Variants in MYOM1 observed in about 807,000 individuals in gnomAD.
MYOM1 encodes the protein myomesin 1, also known as myomesin-1.
MYOM1 carries 164 observed loss-of-function variants against 205.3 expected under a neutral mutation model. The ratio of observed to expected loss-of-function variants is 0.80; its 90% CI spans 0.70 to 0.91. The LOEUF (loss-of-function observed/expected upper bound fraction) is 0.91, where lower values mean the gene tolerates loss of function less well. Ranked by LOEUF, MYOM1 falls within the 40% of genes least tolerant of loss-of-function variation. The probability of loss-of-function intolerance (pLI) is 0.00; values close to 1 mark genes in which losing one functional copy is unlikely to be tolerated. For missense variants in MYOM1, 2,011 were observed against 2,127.3 expected (o/e 0.95, Z 1.08); for synonymous variants, 772 against 789.4 (o/e 0.98, Z 0.37).
chr18:3,100,449 T>C, intron 23 of MYOM1, 23 bp from the exon 24 acceptor site: 2 of 1,568,286 alleles, frequency 1.3e-6, no homozygotes, highest in Non-Finnish European at 1.8e-6. Context: ...ATATTTTTCT[T>C]AGAAATGAGG....
upstream of MYOM1, among the ~76,000 whole-genome samples, chr18:3,221,375 T>C (rs2144282800): frequency 6.6e-6 from 1 of 152,316 alleles, no homozygotes; most frequent in Middle Eastern, 3.4e-3. Flanking sequence ...ATGACTTTCT[T>C]GATGATAACT....
intron 12 of MYOM1, among the ~76,000 whole-genome samples, chr18:3,149,821 T>C (rs893894976): frequency 4.6e-5 from 7 of 152,198 alleles, no homozygotes; most frequent in Non-Finnish European, 7.3e-5. Flanking sequence ...ACTCTTGCAT[T>C]AACCAGGGGA....
chr18:3,126,231 T>C (rs974662625), intron 19 of MYOM1, among the ~76,000 whole-genome samples: 10 of 148,334 alleles, frequency 6.7e-5, no homozygotes, highest in Non-Finnish European at 1.5e-4. Flanking sequence ...CACTCCTGCA[T>C]TCCAGCCTGG....
intron 19 of MYOM1, among the ~76,000 whole-genome samples, chr18:3,126,055 G>A (rs1273970725): frequency 6.6e-6 from 1 of 152,052 alleles, no homozygotes; most frequent in Non-Finnish European, 1.5e-5. Context: ...GATCACTTGA[G>A]GCCAGGAGTT....
intron 37 of MYOM1, among the ~76,000 whole-genome samples, chr18:3,067,905 G>C (rs1252751555): frequency 6.6e-6 from 1 of 151,994 alleles, no homozygotes; most frequent in East Asian, 1.9e-4. Flanking sequence ...GGCATTTTGG[G>C]TTCTGTCTCG....
At chr18:3,182,835 C>A (rs374382160) in intron 5 of MYOM1, among the ~76,000 whole-genome samples, 1 of 151,244 alleles carries the variant, frequency 6.6e-6, no homozygotes, top group Admixed American at 6.6e-5. Flanking sequence ...CCTTCTATGT[C>A]GACAGAGTCC....
At chr18:3,081,473 G>A (rs1395280378) in intron 33 of MYOM1, among the ~76,000 whole-genome samples, 3 of 152,170 alleles carry the variant, frequency 2.0e-5, no homozygotes, top group Non-Finnish European at 4.4e-5. Context: ...AGACATAATT[G>A]ATTGACTAGA....
intron 5 of MYOM1, among the ~76,000 whole-genome samples, chr18:3,186,416 A>G (rs143104505): frequency 4.5e-4 from 68 of 152,290 alleles, no homozygotes; most frequent in African/African-American, 1.3e-3. Flanking sequence ...AAAGCATGCA[A>G]ATACCTGCAC....
the MYOM1 span, among the ~76,000 whole-genome samples, chr18:3,239,775 A>G: frequency 1.3e-5 from 2 of 150,376 alleles, no homozygotes; most frequent in Non-Finnish European, 2.9e-5. Flanking sequence ...AAAAAAAAAA[A>G]AAAAAAAAGA....
intron 9 of MYOM1, 117 bp downstream of exon 9, chr18:3,168,700 C>A: frequency 1.0e-6 from 1 of 960,110 alleles, no homozygotes; most frequent in African/African-American, 1.7e-5. Context: ...ACCTTTTAAT[C>A]GTGTAAAGGT....
rs79371559 is a variant in MYOM1, at chr18:3,179,458, A to G, written c.930-3324T>C. On this transcript the variant is annotated intron_variant, in intron 5 of 37. Coordinates refer to ENST00000356443, the MANE Select transcript of MYOM1 (RefSeq NM_003803.4). This position sits in a 1 kb window ranked among gnomAD's most constrained non-coding sequence, Gnocchi z 4.4. ...CCCTGCCTCAGCCTCCCAAAGTTGG[A>G]TGATTTTAAATAAATGCACACGAAG... Among the ~76,000 whole-genome samples the G allele has an allele frequency of 6.6e-6, 1 of 152,160 alleles. No homozygotes were observed. The highest frequency in any genetic ancestry group is 2.4e-5 in the African/African-American group (1 of 41,430).
rs973770373 is a variant in MYOM1 at position 3,219,871 on chromosome 18, G to A, written c.-97C>T. 7 of 152,312 alleles carry A rather than the reference G, an allele frequency of 4.6e-5. No homozygotes were observed. Among genetic ancestry groups the A allele is most frequent in the Non-Finnish European group, 1.0e-4 (7 of 68,104 alleles). The allele number at this position is 152,312 out of a possible 1,614,324, so 9.4% of individuals were successfully genotyped here. On this transcript the variant is annotated 5_prime_UTR_variant, in exon 1 of 38. Coordinates refer to ENST00000356443, the MANE Select transcript of MYOM1 (RefSeq NM_003803.4). The surrounding 1 kb of genome is among the most constrained non-coding windows in gnomAD (Gnocchi z 4.4). ...CCGAGGAGCTGGATGAGAGAATGAAGACTCCACCTAGGTTGAATCCAAGAC... is the reference window on the plus strand; with the variant it reads ...CCGAGGAGCTGGATGAGAGAATGAAAACTCCACCTAGGTTGAATCCAAGAC...
At chr18:3,197,229 C>T (rs775124731) in intron 2 of MYOM1, among the ~76,000 whole-genome samples, 11 of 151,764 alleles carry the variant, frequency 7.2e-5, no homozygotes, top group Non-Finnish European at 1.0e-4. Flanking sequence ...CTCTGCCTCC[C>T]GAGTTCAAAC....
chr18:3,098,638 G>T (rs1394641984), intron 25 of MYOM1, among the ~76,000 whole-genome samples: 1 of 152,164 alleles, frequency 6.6e-6, no homozygotes, highest in African/African-American at 2.4e-5. Flanking sequence ...TCCTGGAAAA[G>T]AAACCAAGGC....
intron 32 of MYOM1, 35 bp from the exon 33 acceptor site, chr18:3,083,929 C>T (rs1374777601): frequency 1.3e-6 from 2 of 1,575,878 alleles, no homozygotes; most frequent in Admixed American, 1.9e-5. Context: ...CATACATCTG[C>T]ATGCCCCTCC....
At chr18:3,082,560 G>A (rs1189241607) in intron 33 of MYOM1, among the ~76,000 whole-genome samples, 2 of 152,194 alleles carry the variant, frequency 1.3e-5, no homozygotes, top group African/African-American at 4.8e-5. Flanking sequence ...GGGATGCCAT[G>A]TGACCTTCTT....
Position 3,071,829 on chromosome 18 carries a change from C to A in MYOM1, c.4764+5G>T. ...GGAGCAGGCACAGGCAGGCTTCATG[C>A]TTACCTTCCCCTCCTGGATGGTGAC... On this transcript the variant is annotated splice_donor_5th_base_variant and intron_variant, in intron 37 of 37. Transcript: ENST00000356443. The A allele has an allele frequency of 8.1e-6, 13 of 1,598,248 alleles. No homozygotes were observed. Among genetic ancestry groups the A allele is most frequent in the Non-Finnish European group, 1.0e-5 (12 of 1,172,178 alleles).
chr18:3,080,328 C>T (rs2079069987), intron 33 of MYOM1, among the ~76,000 whole-genome samples: 1 of 151,844 alleles, frequency 6.6e-6, no homozygotes, highest in African/African-American at 2.4e-5. Flanking sequence ...CTGAAACAAG[C>T]ATGTCTTACG....
chr18:3,236,702 G>A, the MYOM1 span, among the ~76,000 whole-genome samples: 345 of 152,296 alleles, frequency 2.3e-3, no homozygotes, highest in Non-Finnish European at 4.0e-3. Context: ...TGTGAGTCTG[G>A]AGTAAAGGTC....
Sources: allele counts gnomAD v4.1 joint callset (sites outside exome capture counted in the v4.1 genomes callset), GRCh38; gene constraint gnomAD v4.1.1; non-coding constraint Gnocchi (gnomAD v3.1); transcripts MANE v1.5; gene names NCBI Gene and HGNC (gene_info 2026-07-23, HGNC 2026-07-21).